Variants in SNX31 observed in about 807,000 individuals in gnomAD.
SNX31 encodes sorting nexin 31.
SNX31 carries 58 observed loss-of-function variants against 65.4 expected under a neutral mutation model. The observed-to-expected ratio is 0.89, with a 90% CI of 0.72 to 1.10. The LOEUF (loss-of-function observed/expected upper bound fraction) is 1.10, where lower values mean the gene tolerates loss of function less well. SNX31 is among the 50% of genes least tolerant of loss of function. The pLI is 0.00. For missense variants in SNX31, 523 were observed against 529.7 expected, an observed-to-expected ratio of 0.99 and a Z score of 0.12; for synonymous variants, 181 against 190.1, an observed-to-expected ratio of 0.95 and a Z score of 0.39.
rs572821551 is a variant in SNX31, at chr8:100,593,731, G to A, written c.978+2908C>T. On this transcript the variant is annotated intron_variant, in intron 10 of 13. Coordinates refer to ENST00000311812, the MANE Select transcript of SNX31 (RefSeq NM_152628.4). ...GGCCTCCCAAAGTGCTGGGATTATA[G>A]GCATGAGCCACTGTGCCTGGCCTGA... 2.0e-3 allele frequency among the ~76,000 whole-genome samples: 310 copies of A among 152,124 alleles called. 1 individual carries two copies. Among genetic ancestry groups the A allele is most frequent in the Middle Eastern group, 6.8e-3 (2 of 294 alleles).
intron 1 of SNX31, 23 bp from the exon 2 acceptor site, chr8:100,649,371 T>C: frequency 1.9e-6 from 3 of 1,613,002 alleles, no homozygotes; most frequent in Non-Finnish European, 2.5e-6. Flanking sequence ...AGACACCCCG[T>C]CCCTGGTGAG....
chr8:100,579,784 G>A (rs1304130560), intron 12 of SNX31, among the ~76,000 whole-genome samples: 1 of 152,128 alleles, frequency 6.6e-6, no homozygotes, highest in Non-Finnish European at 1.5e-5. Flanking sequence ...CCATTTTTGA[G>A]GGAAACTAAT....
intron 2 of SNX31, among the ~76,000 whole-genome samples, chr8:100,638,227 C>G (rs1818915946): frequency 6.6e-6 from 1 of 152,200 alleles, no homozygotes; most frequent in East Asian, 1.9e-4. Context: ...TCATCTCACT[C>G]AAGTAAACCC....
intron 12 of SNX31, among the ~76,000 whole-genome samples, chr8:100,581,190 T>C (rs1392078872): frequency 6.6e-6 from 1 of 151,348 alleles, no homozygotes; most frequent in Non-Finnish European, 1.5e-5. Flanking sequence ...TCCCAGCTAC[T>C]TGGGAGACTG....
At chr8:100,593,599 G>T (rs1242767657) in intron 10 of SNX31, among the ~76,000 whole-genome samples, 1 of 151,924 alleles carries the variant, frequency 6.6e-6, no homozygotes, top group Non-Finnish European at 1.5e-5. Flanking sequence ...GATTACAGAT[G>T]CGCCCCACCA....
At chr8:100,586,109 TG>T (rs1563516381) in intron 11 of SNX31, among the ~76,000 whole-genome samples, 1 of 152,140 alleles carries the variant, frequency 6.6e-6, no homozygotes, top group African/African-American at 2.4e-5. Context: ...TTGGTAGAGA[TG>T]GTGTTTCACC....
At position 100,597,912 on chromosome 8, in the gene SNX31, A is replaced by G. The variant is rs11993984; in HGVS notation, c.775-1070T>C. Among the ~76,000 whole-genome samples, 950 of 152,356 alleles carry G rather than the reference A, an allele frequency of 6.2e-3. 15 individuals carry two copies. Among genetic ancestry groups the G allele is most frequent in the African/African-American group, 0.022 (921 of 41,574 alleles). On this transcript the variant is annotated intron_variant, in intron 9 of 13. Transcript: ENST00000311812. ...TTGGTGAACTCCACTCTGTTCTTCC[A>G]GCTTTCGCCATGGGCCTGGCCTAAT...
In SNX31 at chr8:100,602,580, A is replaced by C. The variant is rs1204542021; in HGVS notation, c.682-2139T>G. Among the ~76,000 whole-genome samples the C allele has an allele frequency of 2.0e-5, 3 of 152,214 alleles. No homozygotes were observed. The East Asian group carries it at 5.8e-4, about 29-fold the overall frequency. Reference sequence around the variant, plus strand: ...CAGTAAGAGATGAACAACAATAACTAATAAGAAAATAGAACAAGTATAACA... The same window carrying C: ...CAGTAAGAGATGAACAACAATAACTCATAAGAAAATAGAACAAGTATAACA... On this transcript the variant is annotated intron_variant, in intron 8 of 13. Transcript: ENST00000311812.
Position 100,649,432 on chromosome 8 carries a change from C to A in SNX31, c.66+17G>T, listed in dbSNP as rs1199423131. On this transcript the variant is annotated intron_variant, in intron 1 of 13. Transcript: ENST00000311812. ...CGGCCCCCTCCCTGCCCACCCTGAC[C>A]CCAGCCCTGGGCGCACCACGTAGCG... 1.3e-6 allele frequency: 2 copies of A among 1,589,174 alleles called. No individual in the cohort carries two copies. Among genetic ancestry groups the A allele is most frequent in the African/African-American group, 1.3e-5 (1 of 74,492 alleles).
intron 4 of SNX31, among the ~76,000 whole-genome samples, chr8:100,619,466 G>A (rs1397637277): frequency 6.6e-6 from 1 of 152,180 alleles, no homozygotes; most frequent in Non-Finnish European, 1.5e-5. Flanking sequence ...GAACAAATCT[G>A]GGGATCTGTG....
chr8:100,650,842 G>GTTTTTTTTTT (rs200189569), upstream of SNX31, among the ~76,000 whole-genome samples: 1 of 103,814 alleles, frequency 9.6e-6, no homozygotes, highest in African/African-American at 5.7e-5. Context: ...TGTTTTTTGT[G>GTTTTTTTTTT]TTTTTTTGTT....
intron 2 of SNX31, among the ~76,000 whole-genome samples, chr8:100,642,368 G>A (rs1053240955): frequency 2.0e-5 from 3 of 152,182 alleles, no homozygotes; most frequent in African/African-American, 7.2e-5. Context: ...AGATGTTCCC[G>A]AATCAGTTCT....
chr8:100,657,258 G>T (rs1301396631), intron 1 of SNX31, among the ~76,000 whole-genome samples: 1 of 152,016 alleles, frequency 6.6e-6, no homozygotes, highest in African/African-American at 2.4e-5. Context: ...TTCAAGACCA[G>T]CCTGACCAAC....
chr8:100,638,886 A>G (rs1365066025), intron 2 of SNX31, among the ~76,000 whole-genome samples: 1 of 152,250 alleles, frequency 6.6e-6, no homozygotes, highest in Non-Finnish European at 1.5e-5. Context: ...GAAATAAGAT[A>G]TCAAAACACA....
intron 2 of SNX31, among the ~76,000 whole-genome samples, chr8:100,640,460 G>C (rs1338117884): frequency 6.6e-6 from 1 of 151,450 alleles, no homozygotes; most frequent in Non-Finnish European, 1.5e-5. Context: ...TTCTCAAAAA[G>C]GGGGAGCATA....
chr8:100,641,665 G>T, intron 2 of SNX31, among the ~76,000 whole-genome samples: 2 of 101,758 alleles, frequency 2.0e-5, no homozygotes, highest in Non-Finnish European at 3.8e-5. Flanking sequence ...TATATGTATG[G>T]TACTTGCCTG....
intron 4 of SNX31, chr8:100,620,017 C>T (rs1210657606): frequency 1.3e-5 from 2 of 152,042 alleles, no homozygotes; most frequent in African/African-American, 4.8e-5. Context: ...AATCTGATAC[C>T]CATTGCACAC....
At chr8:100,615,918 C>T (rs559004916) in intron 5 of SNX31, among the ~76,000 whole-genome samples, 34 of 152,048 alleles carry the variant, frequency 2.2e-4, no homozygotes, top group African/African-American at 6.0e-4. Context: ...TACAGGCACC[C>T]GCCACCACGC....
chr8:100,600,357 G>C lies in SNX31; in HGVS notation c.766C>G (p.Gln256Glu). 1 of 1,613,146 alleles carries C rather than the reference G, an allele frequency of 6.2e-7. No homozygotes were observed. The highest frequency in any genetic ancestry group is 8.5e-7 in the Non-Finnish European group (1 of 1,179,492). Reference protein sequence around the residue: ...KLEAFQKEDSQTKFLELAREV... With the variant: ...KLEAFQKEDSETKFLELAREV... ...AGCAATATTTGATTCACCTTTGTTT[G>C]ACTGTCTTCTTTCTGGAAAGCTTCT... The change falls in exon 9 of 14, where the codon CAA (glutamine) becomes GAA (glutamate). Residue 256 changes from glutamine (Q) to glutamate (E), a missense_variant. By Grantham distance (29) the Gln-to-Glu change is conservative. Coordinates refer to ENST00000311812, the MANE Select transcript of SNX31 (RefSeq NM_152628.4).
Sources: allele counts gnomAD v4.1 joint callset (sites outside exome capture counted in the v4.1 genomes callset), GRCh38; gene constraint gnomAD v4.1.1; transcripts MANE v1.5; gene names NCBI Gene and HGNC (gene_info 2026-07-23, HGNC 2026-07-21).